SLC2A13: variants seen among roughly 807,000 people sequenced by gnomAD.
SLC2A13 encodes the protein solute carrier family 2 member 13.
In SLC2A13, 32 loss-of-function variants were observed where a neutral mutation model predicts 64.4. The ratio of observed to expected loss-of-function variants is 0.50; its 90% CI spans 0.37 to 0.67. SLC2A13 has a LOEUF of 0.67. Ranked by LOEUF, SLC2A13 falls within the 30% of genes least tolerant of loss-of-function variation. SLC2A13 has a pLI of 0.00. For missense variants in SLC2A13, 743 were observed against 829.2 expected (o/e 0.90, Z 1.28); for synonymous variants, 338 against 327.1 (o/e 1.03, Z -0.36).
chr12:39,855,089 C>T (rs74086793), intron 6 of SLC2A13, among the ~76,000 whole-genome samples: 2,998 of 152,264 alleles, frequency 0.02, 104 homozygotes, highest in African/African-American at 0.068. Flanking sequence ...TTTCATATCC[C>T]ATTAAGGTAG....
chr12:40,092,626 C>T (rs1215537101), intron 1 of SLC2A13, among the ~76,000 whole-genome samples: 2 of 152,144 alleles, frequency 1.3e-5, no homozygotes, highest in Non-Finnish European at 2.9e-5. Flanking sequence ...ATGTGCCTGG[C>T]CCAATACAGA....
intron 4 of SLC2A13, among the ~76,000 whole-genome samples, chr12:39,934,984 T>C (rs4768196): frequency 0.86 from 131,556 of 152,240 alleles, 56,923 homozygotes; most frequent in East Asian, 1. Flanking sequence ...TAATCACAAA[T>C]TTGAACAGAA....
intron 7 of SLC2A13, among the ~76,000 whole-genome samples, chr12:39,812,337 T>TTTTTCTTTCTTTTC (rs1942188532): frequency 1.5e-5 from 2 of 135,188 alleles, no homozygotes; most frequent in South Asian, 4.9e-4. Flanking sequence ...ACTAATTTCT[T>TTTTTCTTTCTTTTC]TTTTCTTTTC....
intron 3 of SLC2A13, among the ~76,000 whole-genome samples, chr12:39,987,097 T>A (rs992889262): frequency 1.3e-5 from 2 of 152,206 alleles, no homozygotes; most frequent in Non-Finnish European, 2.9e-5. Flanking sequence ...TGGCTTTCCC[T>A]GGACAAAGCC....
chr12:39,907,973 T>C (rs562338919), intron 4 of SLC2A13: 2 of 151,480 alleles, frequency 1.3e-5, no homozygotes, highest in African/African-American at 2.4e-5. Flanking sequence ...ATTGCAGCTA[T>C]GGTGGGAGCC....
At chr12:40,034,330 A>C (rs1947946373) in intron 2 of SLC2A13, among the ~76,000 whole-genome samples, 1 of 152,158 alleles carries the variant, frequency 6.6e-6, no homozygotes, top group Non-Finnish European at 1.5e-5. Context: ...CTGGTTTCCC[A>C]ACTTCATGTT....
intron 4 of SLC2A13, among the ~76,000 whole-genome samples, chr12:39,941,432 C>A (rs937139583): frequency 6.6e-6 from 1 of 152,146 alleles, no homozygotes; most frequent in Non-Finnish European, 1.5e-5. Context: ...ATGCCAACAT[C>A]CACTGTTTTT....
In SLC2A13 at chr12:39,951,323, C is replaced by T. The variant is rs531725171; in HGVS notation, c.968G>A (p.Arg323His). 1.9e-5 allele frequency: 31 copies of T among 1,609,642 alleles called. No individual in the cohort carries two copies. The highest frequency in any genetic ancestry group is 8.8e-5 in the South Asian group (8 of 90,508). Residue 323 changes from arginine to histidine, a missense_variant, in exon 4 of 10, where the codon CGC (arginine) becomes CAC (histidine). Physicochemically the swap from Arg to His is conservative, Grantham distance 29 (BLOSUM62 0). Transcript: ENST00000280871. ...GCCACAACCCACAATTAAAGCTCGG[C>T]GAGTTGGGGGATAACTCAGCATTCT... Reference protein sequence around the residue: ...ICRMLSYPPTRRALIVGCGLQ... With the variant: ...ICRMLSYPPTHRALIVGCGLQ...
At chr12:39,900,871 G>A (rs539851128) in intron 4 of SLC2A13, among the ~76,000 whole-genome samples, 19 of 152,186 alleles carry the variant, frequency 1.2e-4, no homozygotes, top group Middle Eastern at 3.4e-3. Context: ...AAAAGATCCC[G>A]CATCGCCAAG....
At chr12:39,888,245 G>GA (rs1330524306) in intron 4 of SLC2A13, among the ~76,000 whole-genome samples, 1 of 152,032 alleles carries the variant, frequency 6.6e-6, no homozygotes, top group Non-Finnish European at 1.5e-5. Context: ...TTTATTTTGA[G>GA]AAGGAGTCTC....
intron 4 of SLC2A13, among the ~76,000 whole-genome samples, chr12:39,907,204 T>G (rs1167749405): frequency 6.6e-6 from 1 of 152,126 alleles, no homozygotes. Context: ...ACTTATTAGC[T>G]CTTACAAGTA....
At chr12:39,971,631 C>A (rs1256429827) in intron 3 of SLC2A13, among the ~76,000 whole-genome samples, 1 of 151,976 alleles carries the variant, frequency 6.6e-6, no homozygotes, top group Non-Finnish European at 1.5e-5. Flanking sequence ...CTATAACAAT[C>A]CATATAGTTT....
rs563087965 is a variant in SLC2A13 at position 39,848,247 on chromosome 12, C to T, written c.1319+16515G>A. The stretch of plus-strand genomic sequence containing the variant: ...ATCAACAGAGTAAACAGACAACCTA[C>T]AGAATGTGAAAAAACATTTACAAAC... On this transcript the variant is annotated intron_variant, in intron 6 of 9. Transcript: ENST00000280871. Among the ~76,000 whole-genome samples the T allele has an allele frequency of 3.0e-4, 45 of 152,252 alleles. No individual in the cohort carries two copies. The South Asian group carries it at 8.9e-3, about 30-fold the overall frequency.
intron 4 of SLC2A13, among the ~76,000 whole-genome samples, chr12:39,926,808 T>G (rs1209422171): frequency 6.6e-6 from 1 of 152,062 alleles, no homozygotes; most frequent in Non-Finnish European, 1.5e-5. Flanking sequence ...AGAGACAGGG[T>G]CTCCCTTTGT....
At chr12:39,815,431 C>G (rs1942312938) in intron 7 of SLC2A13, among the ~76,000 whole-genome samples, 1 of 152,168 alleles carries the variant, frequency 6.6e-6, no homozygotes, top group Non-Finnish European at 1.5e-5. Context: ...GGTTCTTTGT[C>G]AAAACAGCTA....
chr12:39,814,469 C>A (rs1942282651), intron 7 of SLC2A13, among the ~76,000 whole-genome samples: 1 of 152,014 alleles, frequency 6.6e-6, no homozygotes, highest in Admixed American at 6.5e-5. Flanking sequence ...TCACTAAAAT[C>A]AAAATTCTGA....
chr12:39,834,943 A>T lies in SLC2A13; in HGVS notation c.1320-4715T>A, dbSNP rs928245168. Among the ~76,000 whole-genome samples, 34 of 152,096 alleles carry T rather than the reference A, an allele frequency of 2.2e-4. 1 individual carries two copies. Among genetic ancestry groups the T allele is most frequent in the Admixed American group, 1.6e-3 (24 of 15,238 alleles). ...TTATAACGACAGCTTTAACAATGGC[A>T]TTTTTAAAAAGGAACAACTTCTAGG... On this transcript the variant is annotated intron_variant, in intron 6 of 9. Transcript: ENST00000280871.
intron 9 of SLC2A13, 41 bp downstream of exon 9, chr12:39,764,419 A>G: frequency 6.7e-7 from 1 of 1,485,662 alleles, no homozygotes; most frequent in Non-Finnish European, 9.0e-7. Flanking sequence ...AATAGTGATA[A>G]AAATAAAAAC....
chr12:39,879,877 T>C (rs967836424), intron 4 of SLC2A13, among the ~76,000 whole-genome samples: 1 of 152,138 alleles, frequency 6.6e-6, no homozygotes, highest in African/African-American at 2.4e-5. Flanking sequence ...GTTTGGATAT[T>C]TGTCCCCATG....
Sources: gnomAD v4.1 joint callset for allele counts (sites outside exome capture counted in the v4.1 genomes callset) on GRCh38, gnomAD v4.1.1 for gene constraint, MANE v1.5 for transcripts, NCBI Gene and HGNC (gene_info 2026-07-23, HGNC 2026-07-21) for gene names.